Variants in RNF187 observed in about 807,000 individuals in gnomAD.
RNF187 encodes ring finger protein 187.
A neutral mutation model predicts 22.2 loss-of-function variants in RNF187; 18 were observed. The observed-to-expected ratio is 0.81, with a 90% CI of 0.56 to 1.20. RNF187 has a LOEUF of 1.20. Ranked by LOEUF, RNF187 falls within the 50% of genes most tolerant of loss-of-function variation. The pLI is 0.00. For missense variants in RNF187, 329 were observed against 317.6 expected, an observed-to-expected ratio of 1.04 and a Z score of -0.27; for synonymous variants, 164 against 140.9, an observed-to-expected ratio of 1.16 and a Z score of -1.16.
chr1:228,495,843 T>C lies in RNF187; in HGVS notation c.*1958T>C. On this transcript the variant is annotated 3_prime_UTR_variant, in exon 4 of 4. Transcript: ENST00000305943. ...CTCATGTTTTTTTTGGTGGTGAGAATATTTGAAATCTACACTCAGCAATTT... is the reference window on the plus strand; with the variant it reads ...CTCATGTTTTTTTTGGTGGTGAGAACATTTGAAATCTACACTCAGCAATTT... The C allele has an allele frequency of 2.6e-6, 2 of 779,522 alleles. No individual in the cohort carries two copies. Among genetic ancestry groups the C allele is most frequent in the South Asian group, 5.8e-5 (1 of 17,104 alleles). 48.3% of individuals were successfully genotyped at this position (779,522 alleles called of 1,614,324 possible).
At position 228,493,264 on chromosome 1, in the gene RNF187, T is replaced by G; in HGVS notation, c.695T>G (p.Met232Arg). 5 of 1,550,120 alleles carry G rather than the reference T, an allele frequency of 3.2e-6. No individual in the cohort carries two copies. Among genetic ancestry groups the G allele is most frequent in the Non-Finnish European group, 4.4e-6 (5 of 1,146,722 alleles). ...AAGCATCGCAACCTGGGCCTCAGCA[T>G]GCTGCTGCAGGTGCGGGAGCCCCGC... The change falls in exon 3 of 4, where the codon ATG becomes AGG. Residue 232 changes from methionine to arginine, a missense_variant. Coordinates refer to ENST00000305943, the MANE Select transcript of RNF187 (RefSeq NM_001010858.3). This position sits in a 1 kb window ranked among gnomAD's most constrained non-coding sequence, Gnocchi z 4.7.
At chr1:228,490,227 C>T in intron 2 of RNF187, among the ~76,000 whole-genome samples, 2 of 152,168 alleles carry the variant, frequency 1.3e-5, no homozygotes, top group Admixed American at 1.3e-4. Flanking sequence ...CTCTGTGCTC[C>T]TGGTGCTGCC....
chr1:228,495,066 A>G lies in RNF187; in HGVS notation c.*1181A>G. On this transcript the variant is annotated 3_prime_UTR_variant, in exon 4 of 4. Transcript: ENST00000305943. ...GAAACTTCCTCGTGACACGTGCTAA[A>G]GCATGGTGAGGAGGACTTTGATTGG... 38 of 978,976 alleles carry G rather than the reference A, an allele frequency of 3.9e-5. No individual in the cohort carries two copies. Among genetic ancestry groups the G allele is most frequent in the Non-Finnish European group, 4.4e-5 (36 of 824,170 alleles). 60.6% of individuals were successfully genotyped at this position (978,976 alleles called of 1,614,324 possible).
Position 228,493,284 on chromosome 1 carries a change from C to T in RNF187, c.705+10C>T. ...CAGCATGCTGCTGCAGGTGCGGGAG[C>T]CCCGCTGGGTCTGCCCACCATCGGG... is the stretch of plus-strand genomic sequence containing the variant. On this transcript the variant is annotated intron_variant, in intron 3 of 3. Coordinates refer to ENST00000305943, the MANE Select transcript of RNF187 (RefSeq NM_001010858.3). The surrounding 1 kb of genome is among the most constrained non-coding windows in gnomAD (Gnocchi z 4.7). 2 of 1,547,744 alleles carry T rather than the reference C, an allele frequency of 1.3e-6. No individual in the cohort carries two copies. The highest frequency in any genetic ancestry group is 2.4e-5 in the South Asian group (2 of 83,874).
Position 228,495,433 on chromosome 1 carries a change from TCCAGAGCCTGG to T in RNF187, c.*1555_*1565del. 1.0e-6 allele frequency: 1 copy of T among 977,998 alleles called. No individual in the cohort carries two copies. The highest frequency in any genetic ancestry group is 1.2e-6 in the Non-Finnish European group (1 of 823,276). The allele number at this position is 977,998 out of a possible 1,614,324, so 60.6% of individuals were successfully genotyped here. A position where few individuals can be genotyped will look rare whatever the true frequency, so the allele number is the denominator to read the frequency against. The stretch of plus-strand genomic sequence containing the variant: ...GGCAAAGAGGGCCCTAGGAGAAGAT[TCCAGAGCCTGG>T]CCAGAGTTTGGCCAAGTAGAGAATC... On this transcript the variant is annotated 3_prime_UTR_variant, in exon 4 of 4. Transcript: ENST00000305943.
At chr1:228,490,463 G>C in intron 2 of RNF187, among the ~76,000 whole-genome samples, 1 of 152,224 alleles carries the variant, frequency 6.6e-6, no homozygotes, top group African/African-American at 2.4e-5. Flanking sequence ...TTACCCCAAG[G>C]GAATTGTTTT....
In RNF187 at chr1:228,487,495, C is replaced by G. The variant is rs1006476921; in HGVS notation, c.7C>G (p.Leu3Val). ...GGCCCCGCCGCCCGCAGCCCTGGCG[C>G]TCCCTGCGGGCCCCGCCGAGGCCGC... The change falls in exon 1 of 4, where the codon CTC becomes GTC. Residue 3 changes from leucine to valine, a missense_variant. Physicochemically the swap from Leu to Val is conservative, Grantham distance 32. Coordinates refer to ENST00000305943, the MANE Select transcript of RNF187 (RefSeq NM_001010858.3). 8.9e-7 allele frequency: 1 copy of G among 1,129,876 alleles called. No individual in the cohort carries two copies. Among genetic ancestry groups the G allele is most frequent in the African/African-American group, 1.7e-5 (1 of 60,350 alleles). 70.0% of individuals were successfully genotyped at this position (1,129,876 alleles called of 1,614,324 possible).
chr1:228,494,641 T>C lies in RNF187; in HGVS notation c.*756T>C. ...CAGGCCCTGCCATCGTGTCTCATCT[T>C]GCTGTTATCTCTAGCTCTTTCCCTC... On this transcript the variant is annotated 3_prime_UTR_variant, in exon 4 of 4. Coordinates refer to ENST00000305943, the MANE Select transcript of RNF187 (RefSeq NM_001010858.3). 1.0e-6 allele frequency: 1 copy of C among 985,520 alleles called. No individual in the cohort carries two copies. Among genetic ancestry groups the C allele is most frequent in the Non-Finnish European group, 1.2e-6 (1 of 830,100 alleles). 61.0% of individuals were successfully genotyped at this position (985,520 alleles called of 1,614,324 possible).
chr1:228,494,166 G>C lies in RNF187; in HGVS notation c.*281G>C. The C allele has an allele frequency of 1.4e-6, 2 of 1,399,576 alleles. No homozygotes were observed. Among genetic ancestry groups the C allele is most frequent in the Admixed American group, 2.9e-5 (1 of 34,194 alleles). The allele number at this position is 1,399,576 out of a possible 1,614,324, so 86.7% of individuals were successfully genotyped here. A position where few individuals can be genotyped will look rare whatever the true frequency, so the allele number is the denominator to read the frequency against. Reference sequence around the variant, plus strand: ...CACAGCCCATCCTCCATGAGTCCCGGCAGCTCTGGGTCATGCCCTTCCCTG... The same window carrying C: ...CACAGCCCATCCTCCATGAGTCCCGCCAGCTCTGGGTCATGCCCTTCCCTG... On this transcript the variant is annotated 3_prime_UTR_variant, in exon 4 of 4. Coordinates refer to ENST00000305943, the MANE Select transcript of RNF187 (RefSeq NM_001010858.3).
intron 1 of RNF187, 144 bp downstream of exon 1, chr1:228,488,022 C>A: frequency 2.3e-6 from 1 of 427,532 alleles, no homozygotes. Flanking sequence ...TGTCCCCCTC[C>A]CCTCACCGCC....
At position 228,493,168 on chromosome 1, in the gene RNF187, C is replaced by T; in HGVS notation, c.599C>T (p.Pro200Leu). ...GAGGCTGAGAAGGAGGAGGGGCTCC[C>T]TGAGGACGAGCTGGCTGACCCCACT... Residue 200 changes from proline (P) to leucine (L), a missense_variant, in exon 3 of 4, where the codon CCT becomes CTT. Coordinates refer to ENST00000305943, the MANE Select transcript of RNF187 (RefSeq NM_001010858.3). The surrounding 1 kb of genome is among the most constrained non-coding windows in gnomAD (Gnocchi z 4.7). 1 of 1,551,734 alleles carries T rather than the reference C, an allele frequency of 6.4e-7. No individual in the cohort carries two copies. The highest frequency in any genetic ancestry group is 8.7e-7 in the Non-Finnish European group (1 of 1,147,004).
In RNF187 at chr1:228,487,538, G is replaced by C; in HGVS notation, c.50G>C (p.Arg17Pro). ...GAGGCCGCCTGCGCCCTGTGCCAGC[G>C]CGCGCCCCGGGAACCGGTGCGCGCC... The change falls in exon 1 of 4, where the codon CGC becomes CCC. Residue 17 changes from arginine (R) to proline (P), a missense_variant. By Grantham distance (103) the Arg-to-Pro change is moderately radical (BLOSUM62 -2). Coordinates refer to ENST00000305943, the MANE Select transcript of RNF187 (RefSeq NM_001010858.3). 8.2e-7 allele frequency: 1 copy of C among 1,218,080 alleles called. No individual in the cohort carries two copies. Among genetic ancestry groups the C allele is most frequent in the Non-Finnish European group, 1.0e-6 (1 of 972,704 alleles). The allele number at this position is 1,218,080 out of a possible 1,614,324, so 75.5% of individuals were successfully genotyped here. A position where few individuals can be genotyped will look rare whatever the true frequency, so the allele number is the denominator to read the frequency against.
In RNF187 at chr1:228,493,319, A is replaced by G; in HGVS notation, c.705+45A>G. ...TCTGCCCACCATCGGGCCAGGGTGG[A>G]CGCAGGCAGCAGCGAGCCATTGGGG... On this transcript the variant is annotated intron_variant, in intron 3 of 3. Coordinates refer to ENST00000305943, the MANE Select transcript of RNF187 (RefSeq NM_001010858.3). The surrounding 1 kb of genome is among the most constrained non-coding windows in gnomAD (Gnocchi z 4.7). 513 of 1,522,856 alleles carry G rather than the reference A, an allele frequency of 3.4e-4. 1 individual carries two copies. The highest frequency in any genetic ancestry group is 4.3e-4 in the Non-Finnish European group (483 of 1,129,980). 94.3% of individuals were successfully genotyped at this position (1,522,856 alleles called of 1,614,324 possible).
Position 228,494,150 on chromosome 1 carries a change from T to C in RNF187, c.*265T>C. 7.1e-7 allele frequency: 1 copy of C among 1,413,968 alleles called. No homozygotes were observed. The highest frequency in any genetic ancestry group is 9.2e-7 in the Non-Finnish European group (1 of 1,085,024). 87.6% of individuals were successfully genotyped at this position (1,413,968 alleles called of 1,614,324 possible). ...TTCCTGAAGTCCTAGCCACAGCCCATCCTCCATGAGTCCCGGCAGCTCTGG... is the reference window on the plus strand; with the variant it reads ...TTCCTGAAGTCCTAGCCACAGCCCACCCTCCATGAGTCCCGGCAGCTCTGG... On this transcript the variant is annotated 3_prime_UTR_variant, in exon 4 of 4. Transcript: ENST00000305943.
At chr1:228,488,415 C>T in intron 1 of RNF187, 1 of 155,882 alleles carries the variant, frequency 6.4e-6, no homozygotes, top group South Asian at 1.9e-4. Flanking sequence ...TCCCCTCTCC[C>T]ATCTTTCAGA....
At chr1:228,490,906 G>T in intron 2 of RNF187, among the ~76,000 whole-genome samples, 3 of 152,198 alleles carry the variant, frequency 2.0e-5, no homozygotes, top group African/African-American at 7.2e-5. Flanking sequence ...GTCCTGCCCT[G>T]ACAGTCACGT....
chr1:228,493,786 GCTCT>G lies in RNF187; in HGVS notation c.706-92_706-89del. ...GTACCTCATGCGCTGTCTCATGTGC[GCTCT>G]CTCTTTCGCTCTCTCCTTTTGCCTC... is the stretch of plus-strand genomic sequence containing the variant. On this transcript the variant is annotated intron_variant, in intron 3 of 3. Coordinates refer to ENST00000305943, the MANE Select transcript of RNF187 (RefSeq NM_001010858.3). This position sits in a 1 kb window ranked among gnomAD's most constrained non-coding sequence, Gnocchi z 4.7. The G allele has an allele frequency of 5.4e-6, 7 of 1,301,964 alleles. No individual in the cohort carries two copies. The highest frequency in any genetic ancestry group is 3.8e-5 in the South Asian group (3 of 79,016). 80.7% of individuals were successfully genotyped at this position (1,301,964 alleles called of 1,614,324 possible).
chr1:228,492,409 C>T, intron 2 of RNF187, among the ~76,000 whole-genome samples: 1 of 148,338 alleles, frequency 6.7e-6, no homozygotes. Flanking sequence ...GCAACCTCTG[C>T]CTCCCAGGTT....
Position 228,487,437 on chromosome 1 carries a change from C to A in RNF187, c.-52C>A, listed in dbSNP as rs1044661344. 1 of 1,094,840 alleles carries A rather than the reference C, an allele frequency of 9.1e-7. No individual in the cohort carries two copies. Among genetic ancestry groups the A allele is most frequent in the Non-Finnish European group, 1.1e-6 (1 of 901,938 alleles). 67.8% of individuals were successfully genotyped at this position (1,094,840 alleles called of 1,614,324 possible). ...GTCCGGTCGCCGGCCGTCTAGGTCT[C>A]CGGCCCTCCCCAGCCGCTCCTGCGC... On this transcript the variant is annotated 5_prime_UTR_variant, in exon 1 of 4. Coordinates refer to ENST00000305943, the MANE Select transcript of RNF187 (RefSeq NM_001010858.3).
Sources: gnomAD v4.1 joint callset for allele counts (sites outside exome capture counted in the v4.1 genomes callset) on GRCh38, gnomAD v4.1.1 for gene constraint, Gnocchi (gnomAD v3.1) non-coding constraint, MANE v1.5 for transcripts, NCBI Gene and HGNC (gene_info 2026-07-23, HGNC 2026-07-21) for gene names.